The following CNTN4 variants were observed in gnomAD, a reference collection of about 807,000 sequenced individuals.
CNTN4 encodes contactin-4.
In CNTN4, 77 loss-of-function variants were observed where a neutral mutation model predicts 122.5. The observed-to-expected ratio is 0.63, with a 90% CI of 0.52 to 0.76. The LOEUF is 0.76. CNTN4 is among the 30% of genes least tolerant of loss of function. CNTN4 has a pLI of 0.00. For missense variants in CNTN4, 1,256 were observed against 1,259.1 expected (o/e 1.00, Z 0.04); for synonymous variants, 512 against 447.0 (o/e 1.15, Z -1.83).
intron 7 of CNTN4, among the ~76,000 whole-genome samples, chr3:2,834,566 CA>C (rs1326665944): frequency 6.6e-6 from 1 of 151,860 alleles, no homozygotes; most frequent in South Asian, 2.1e-4. Context: ...GACTCCATCT[CA>C]AAAAACAAAC....
intron 3 of CNTN4, among the ~76,000 whole-genome samples, chr3:2,535,903 G>C (rs1457519535): frequency 6.6e-6 from 1 of 152,066 alleles, no homozygotes; most frequent in Non-Finnish European, 1.5e-5. Flanking sequence ...GGAAGTCTTT[G>C]ACAGTTTGGA....
intron 3 of CNTN4, among the ~76,000 whole-genome samples, chr3:2,414,283 T>A (rs1431039844): frequency 6.6e-6 from 1 of 152,220 alleles, no homozygotes; most frequent in East Asian, 1.9e-4. Context: ...AAATTTTAGG[T>A]ATTAATTTGT....
At chr3:2,637,331 A>G (rs530165841) in intron 4 of CNTN4, among the ~76,000 whole-genome samples, 1 of 152,226 alleles carries the variant, frequency 6.6e-6, no homozygotes, top group South Asian at 2.1e-4. Flanking sequence ...TGGATTAACA[A>G]TTTGCCCATA....
At chr3:2,818,939 T>C (rs1362489302) in intron 6 of CNTN4, among the ~76,000 whole-genome samples, 1 of 152,212 alleles carries the variant, frequency 6.6e-6, no homozygotes, top group Non-Finnish European at 1.5e-5. Context: ...TCTGGGTATA[T>C]ATGGAGAGAC....
chr3:2,744,257 C>T (rs566895438), intron 5 of CNTN4, among the ~76,000 whole-genome samples: 12 of 152,206 alleles, frequency 7.9e-5, no homozygotes, highest in Non-Finnish European at 1.8e-4. Context: ...TGATACCAGA[C>T]ATCCAAAATC....
intron 3 of CNTN4, among the ~76,000 whole-genome samples, chr3:2,378,483 C>T (rs1406789217): frequency 6.6e-6 from 1 of 152,134 alleles, no homozygotes; most frequent in Non-Finnish European, 1.5e-5. Context: ...CCCTGGAAAA[C>T]GGGAGAAAGT....
chr3:2,582,246 G>C (rs1247123254), intron 4 of CNTN4, among the ~76,000 whole-genome samples: 1 of 152,186 alleles, frequency 6.6e-6, no homozygotes, highest in African/African-American at 2.4e-5. Context: ...AGTTAGAGTT[G>C]CTCAGAGCCA....
chr3:2,255,131 A>T (rs1575183063), intron 2 of CNTN4, among the ~76,000 whole-genome samples: 1 of 152,192 alleles, frequency 6.6e-6, no homozygotes, highest in Non-Finnish European at 1.5e-5. Context: ...AACACCATTT[A>T]TTAAGTAGGG....
At chr3:2,670,005 A>T (rs2084408432) in intron 4 of CNTN4, among the ~76,000 whole-genome samples, 1 of 152,198 alleles carries the variant, frequency 6.6e-6, no homozygotes, top group Non-Finnish European at 1.5e-5. Flanking sequence ...GGAGTGCTTT[A>T]CTTCCACCTA....
intron 2 of CNTN4, among the ~76,000 whole-genome samples, chr3:2,307,884 A>G (rs945412339): frequency 6.6e-6 from 1 of 152,082 alleles, no homozygotes; most frequent in Non-Finnish European, 1.5e-5. Flanking sequence ...ATTAATTTGT[A>G]GCTTTCTTAT....
chr3:2,688,785 A>G (rs1000019452), intron 4 of CNTN4, among the ~76,000 whole-genome samples: 8 of 152,210 alleles, frequency 5.3e-5, no homozygotes, highest in Middle Eastern at 3.2e-3. Context: ...CTTTGTAACC[A>G]CACTGGGAAT....
At chr3:2,183,396 A>G (rs566356501) in intron 2 of CNTN4, among the ~76,000 whole-genome samples, 2 of 152,296 alleles carry the variant, frequency 1.3e-5, no homozygotes, top group Middle Eastern at 3.4e-3. Flanking sequence ...CGTAATAACA[A>G]TAGGATTCTG....
chr3:2,559,120 A>G (rs2046037), intron 3 of CNTN4, among the ~76,000 whole-genome samples: 33,431 of 152,152 alleles, frequency 0.22, 4,101 homozygotes, highest in East Asian at 0.56. Context: ...GATAAGGACA[A>G]TAAATAACTT....
At chr3:2,409,281 T>C (rs1367856043) in intron 3 of CNTN4, among the ~76,000 whole-genome samples, 1 of 149,432 alleles carries the variant, frequency 6.7e-6, no homozygotes. Flanking sequence ...AGTGTCTCGC[T>C]CTGTCGCCCA....
At chr3:2,602,781 C>T (rs1363710196) in intron 4 of CNTN4, among the ~76,000 whole-genome samples, 1 of 152,156 alleles carries the variant, frequency 6.6e-6, no homozygotes, top group African/African-American at 2.4e-5. Context: ...GGTAATAATA[C>T]ATGAAGAAGC....
intron 12 of CNTN4, among the ~76,000 whole-genome samples, chr3:2,908,722 T>G (rs910594511): frequency 2.6e-5 from 4 of 152,162 alleles, no homozygotes; most frequent in Non-Finnish European, 5.9e-5. Flanking sequence ...TGTGAGAATA[T>G]TGTGAAAAAA....
intron 14 of CNTN4, 85 bp downstream of exon 14, chr3:2,988,557 A>G (rs184574034): frequency 7.3e-7 from 1 of 1,371,104 alleles, no homozygotes; most frequent in African/African-American, 1.4e-5. Context: ...CATCATTCAT[A>G]TTAATATGTA....
At chr3:2,209,508 T>C (rs557222869) in intron 2 of CNTN4, among the ~76,000 whole-genome samples, 22 of 152,134 alleles carry the variant, frequency 1.4e-4, no homozygotes, top group African/African-American at 5.1e-4. Context: ...ATGGTAACAC[T>C]GAGTCTCCCT....
chr3:2,777,432 A>G (rs1231771016), intron 6 of CNTN4, among the ~76,000 whole-genome samples: 1 of 152,150 alleles, frequency 6.6e-6, no homozygotes, highest in East Asian at 1.9e-4. Context: ...ATTTGCTCTT[A>G]TGTTTTCGAC....
Sources: gnomAD v4.1 joint callset for allele counts (sites outside exome capture counted in the v4.1 genomes callset) on GRCh38, gnomAD v4.1.1 for gene constraint, MANE v1.5 for transcripts, NCBI Gene and HGNC (gene_info 2026-07-23, HGNC 2026-07-21) for gene names.